Variants in OTUD7A observed in about 807,000 individuals in gnomAD.
OTUD7A encodes the protein OTU domain-containing protein 7A.
Under a neutral mutation model 65.7 loss-of-function variants are expected in OTUD7A, and 12 were observed. The observed-to-expected ratio is 0.18, with a 90% CI of 0.12 to 0.30. OTUD7A has a LOEUF of 0.30. Ranked by LOEUF, OTUD7A falls within the 10% of genes least tolerant of loss-of-function variation. The pLI, the probability that OTUD7A is intolerant of heterozygous loss-of-function variation, is 1.00. For missense variants in OTUD7A, 1,148 were observed against 1,304.8 expected, an observed-to-expected ratio of 0.88 and a Z score of 1.85; for synonymous variants, 641 against 586.3, an observed-to-expected ratio of 1.09 and a Z score of -1.35.
intron 1 of OTUD7A, among the ~76,000 whole-genome samples, chr15:31,697,654 T>C (rs1893114437): frequency 6.6e-6 from 1 of 152,144 alleles, no homozygotes; most frequent in Admixed American, 6.5e-5. Context: ...GTACCAGGCA[T>C]GCGCCATATT....
At chr15:31,696,603 C>G (rs1377637720) in intron 1 of OTUD7A, among the ~76,000 whole-genome samples, 1 of 142,602 alleles carries the variant, frequency 7.0e-6, no homozygotes, top group African/African-American at 2.6e-5. Context: ...CCTTCAGCTC[C>G]AGAGAGACCT....
rs184361722 is a variant in OTUD7A at position 31,526,363 on chromosome 15, G to T, written c.879C>A (p.Gly293=). The change falls in exon 8 of 13, where the codon GGC becomes GGA. Residue 293 remains glycine (G), a synonymous_variant. Coordinates refer to ENST00000307050, the MANE Select transcript of OTUD7A (RefSeq NM_001382637.1). The part of the protein sequence containing the change: ...SEPRTHFSKN[G]GTGGGVDNSE... ...GCAGCACTTACCCCCCGCCCGTGCCGCCATTCTTGCTGAAGTGTGTGCGCG... is the reference window on the plus strand; with the variant it reads ...GCAGCACTTACCCCCCGCCCGTGCCTCCATTCTTGCTGAAGTGTGTGCGCG... 5.6e-6 allele frequency: 9 copies of T among 1,597,212 alleles called. No homozygotes were observed. The highest frequency in any genetic ancestry group is 1.7e-5 in the Admixed American group (1 of 59,252).
chr15:31,831,477 G>C (rs187136017), intron 1 of OTUD7A, among the ~76,000 whole-genome samples: 1 of 152,170 alleles, frequency 6.6e-6, no homozygotes, highest in Non-Finnish European at 1.5e-5. Context: ...TGAGAACTGC[G>C]ATGAAACCCA....
chr15:31,869,594 C>G (rs1897971096), intron 1 of OTUD7A, among the ~76,000 whole-genome samples: 1 of 152,208 alleles, frequency 6.6e-6, no homozygotes, highest in African/African-American at 2.4e-5. Context: ...AAGCGTTTCC[C>G]TGATCGGGGT....
At chr15:31,811,067 G>A (rs1470796185) in intron 1 of OTUD7A, among the ~76,000 whole-genome samples, 1 of 152,198 alleles carries the variant, frequency 6.6e-6, no homozygotes, top group Non-Finnish European at 1.5e-5. Context: ...GGGCTGCAGT[G>A]AGAACAAACA....
rs1175851872 is a variant in OTUD7A at position 31,768,299 on chromosome 15, G to C, written c.-100+102208C>G. On this transcript the variant is annotated intron_variant, in intron 1 of 12. Coordinates refer to ENST00000307050, the MANE Select transcript of OTUD7A (RefSeq NM_001382637.1). Reference sequence around the variant, plus strand: ...GAGTCTCGGCACAACCATTGGCTCTGCCGCCAACTTGTATAGCATAGAGGG... The same window carrying C: ...GAGTCTCGGCACAACCATTGGCTCTCCCGCCAACTTGTATAGCATAGAGGG... 1.1e-5 allele frequency: 7 copies of C among 663,684 alleles called. No homozygotes were observed. The South Asian group carries it at 1.2e-4, about 11-fold the overall frequency. 41.1% of individuals were successfully genotyped at this position (663,684 alleles called of 1,614,324 possible).
intron 8 of OTUD7A, among the ~76,000 whole-genome samples, chr15:31,526,118 G>A (rs1371311542): frequency 1.3e-5 from 2 of 152,208 alleles, no homozygotes; most frequent in African/African-American, 4.8e-5. Flanking sequence ...TGCCTGCATA[G>A]TGCATGTGGG....
At chr15:31,562,458 C>G (rs1888722294) in intron 4 of OTUD7A, among the ~76,000 whole-genome samples, 1 of 152,196 alleles carries the variant, frequency 6.6e-6, no homozygotes, top group South Asian at 2.1e-4. Flanking sequence ...GCTGCTCCCC[C>G]TGCCCTGCCT....
intron 1 of OTUD7A, among the ~76,000 whole-genome samples, chr15:31,752,641 A>C (rs1395218833): frequency 6.6e-6 from 1 of 152,224 alleles, no homozygotes; most frequent in Non-Finnish European, 1.5e-5. Context: ...TATATTATGC[A>C]ATATCAAAAA....
rs117861954 is a variant in OTUD7A at position 31,553,476 on chromosome 15, G to A, written c.550+5493C>T. On this transcript the variant is annotated intron_variant, in intron 5 of 12. Transcript: ENST00000307050. ...CTAACTCCACATCTGCATCCCCAAC[G>A]CAGGGCTCTCTCTGACTCCAGACCC... Among the ~76,000 whole-genome samples the A allele has an allele frequency of 6.8e-3, 1,037 of 152,148 alleles. 9 individuals carry two copies. Among genetic ancestry groups the A allele is most frequent in the Non-Finnish European group, 0.011 (753 of 67,990 alleles).
chr15:31,524,552 C>T (rs952238009), intron 8 of OTUD7A, among the ~76,000 whole-genome samples: 1 of 145,536 alleles, frequency 6.9e-6, no homozygotes, highest in African/African-American at 2.5e-5. Flanking sequence ...CACCTGTGCT[C>T]GCCTCCCTCC....
At chr15:31,735,017 A>G (rs1322220443) in intron 1 of OTUD7A, among the ~76,000 whole-genome samples, 3 of 150,930 alleles carry the variant, frequency 2.0e-5, no homozygotes, top group South Asian at 4.3e-4. Flanking sequence ...AAGGTGTAAT[A>G]TCCAGTATCT....
chr15:31,648,523 G>A (rs1003420514), intron 3 of OTUD7A, among the ~76,000 whole-genome samples: 5 of 152,186 alleles, frequency 3.3e-5, no homozygotes, highest in African/African-American at 1.2e-4. Context: ...TGAGGGGCCT[G>A]GAGGAAGTCA....
At chr15:31,492,188 C>T (rs938548989) in intron 10 of OTUD7A, among the ~76,000 whole-genome samples, 5 of 152,070 alleles carry the variant, frequency 3.3e-5, no homozygotes, top group African/African-American at 7.3e-5. Flanking sequence ...AATAAAATGT[C>T]TGATAATAGC....
At chr15:31,690,403 A>T (rs1892935723) in intron 1 of OTUD7A, among the ~76,000 whole-genome samples, 1 of 152,084 alleles carries the variant, frequency 6.6e-6, no homozygotes, top group Non-Finnish European at 1.5e-5. Flanking sequence ...TAGGCAATAA[A>T]TTTTCTGACT....
At chr15:31,718,696 A>T (rs77145770) in intron 1 of OTUD7A, among the ~76,000 whole-genome samples, 1 of 108,738 alleles carries the variant, frequency 9.2e-6, no homozygotes, top group African/African-American at 2.8e-5. Flanking sequence ...TAAACAGCCC[A>T]CTTAGAAGCT....
chr15:31,595,824 C>T (rs1889887598), intron 3 of OTUD7A, among the ~76,000 whole-genome samples: 1 of 152,166 alleles, frequency 6.6e-6, no homozygotes, highest in Non-Finnish European at 1.5e-5. Flanking sequence ...GCACTGAGTC[C>T]CTGTTTCCTT....
In OTUD7A at chr15:31,478,557, C is replaced by G. The variant is rs2041061336; in HGVS notation, c.*4737G>C. 6.6e-6 allele frequency: 1 copy of G among 152,214 alleles called. No homozygotes were observed. Among genetic ancestry groups the G allele is most frequent in the Non-Finnish European group, 1.5e-5 (1 of 68,042 alleles). The allele number at this position is 152,214 out of a possible 1,614,324, so 9.4% of individuals were successfully genotyped here. Reference sequence around the variant, plus strand: ...GTTGGAGATGATGGCTTCAGTGCTACTCTGCAACTACGTGTGTCTTCGGCT... The same window carrying G: ...GTTGGAGATGATGGCTTCAGTGCTAGTCTGCAACTACGTGTGTCTTCGGCT... On this transcript the variant is annotated 3_prime_UTR_variant, in exon 13 of 13. Transcript: ENST00000307050.
At chr15:31,686,177 C>T (rs1892832424) in intron 1 of OTUD7A, among the ~76,000 whole-genome samples, 1 of 152,222 alleles carries the variant, frequency 6.6e-6, no homozygotes, top group Non-Finnish European at 1.5e-5. Flanking sequence ...GAGGGAGAGG[C>T]CTGGCCCAGG....
Sources: allele counts gnomAD v4.1 joint callset (sites outside exome capture counted in the v4.1 genomes callset), GRCh38; gene constraint gnomAD v4.1.1; transcripts MANE v1.5; gene names NCBI Gene and HGNC (gene_info 2026-07-23, HGNC 2026-07-21).